UGT1A8: variants seen among roughly 807,000 people sequenced by gnomAD.
The protein encoded by UGT1A8 is UDP-glucuronosyltransferase 1A8.
Under a neutral mutation model 45.3 loss-of-function variants are expected in UGT1A8, and 39 were observed. The ratio of observed to expected loss-of-function variants is 0.86; its 90% CI spans 0.67 to 1.12. The LOEUF is 1.12. UGT1A8 is among the 50% of genes most tolerant of loss of function. The pLI is 0.00. For missense variants in UGT1A8, 719 were observed against 664.9 expected (o/e 1.08, Z -0.90); for synonymous variants, 275 against 249.2 (o/e 1.10, Z -0.97).
intron 1 of UGT1A8, among the ~76,000 whole-genome samples, chr2:233,644,113 C>T (rs558967707): frequency 6.6e-6 from 1 of 152,298 alleles, no homozygotes; most frequent in East Asian, 1.9e-4. Context: ...GGGCCTAGTA[C>T]AGCCCTAGAA....
chr2:233,729,476 T>G lies in UGT1A8; in HGVS notation c.856-37558T>G, dbSNP rs780193627. On this transcript the variant is annotated intron_variant, in intron 1 of 4. Coordinates refer to ENST00000373450, the MANE Select transcript of UGT1A8 (RefSeq NM_019076.5). Reference sequence around the variant, plus strand: ...AAATTTTTCAGAAGTATGGCAATGTTGAACAATATGTCTTTGGTCTATCAT... The same window carrying G: ...AAATTTTTCAGAAGTATGGCAATGTGGAACAATATGTCTTTGGTCTATCAT... 12 of 1,614,098 alleles carry G rather than the reference T, an allele frequency of 7.4e-6. No individual in the cohort carries two copies. In the African/African-American group the frequency reaches 1.6e-4, roughly 22 times the overall value.
intron 1 of UGT1A8, among the ~76,000 whole-genome samples, chr2:233,712,276 G>A (rs888653994): frequency 1.3e-5 from 2 of 152,222 alleles, no homozygotes; most frequent in Admixed American, 1.3e-4. Flanking sequence ...TTAGACAGCA[G>A]CACCTCTTCT....
chr2:233,739,782 C>T (rs1351387026), intron 1 of UGT1A8, among the ~76,000 whole-genome samples: 1 of 152,030 alleles, frequency 6.6e-6, no homozygotes, highest in Non-Finnish European at 1.5e-5. Context: ...TGAGTTAAGA[C>T]TTTGGAGGAC....
chr2:233,648,075 A>G, intron 1 of UGT1A8: 4 of 1,545,632 alleles, frequency 2.6e-6, no homozygotes, highest in South Asian at 1.3e-5. Flanking sequence ...CTTCAACCTT[A>G]TACACCCTGG....
At chr2:233,639,258 A>T (rs2073384657) in intron 1 of UGT1A8, among the ~76,000 whole-genome samples, 1 of 152,218 alleles carries the variant, frequency 6.6e-6, no homozygotes, top group Non-Finnish European at 1.5e-5. Flanking sequence ...ATACACATGT[A>T]TGAAAGTTTT....
Position 233,691,503 on chromosome 2 carries a change from C to T in UGT1A8, c.855+72941C>T, listed in dbSNP as rs1435910007. Reference sequence around the variant, plus strand: ...ACTTGTGGGTGGGAACAGGAACTCGCGTGCCAGCCAGGTGTGCATGACTAG... The same window carrying T: ...ACTTGTGGGTGGGAACAGGAACTCGTGTGCCAGCCAGGTGTGCATGACTAG... On this transcript the variant is annotated intron_variant, in intron 1 of 4. Transcript: ENST00000373450. 2.1e-5 allele frequency: 21 copies of T among 985,612 alleles called. No individual in the cohort carries two copies. The South Asian group carries it at 3.8e-4, about 18-fold the overall frequency. The allele number at this position is 985,612 out of a possible 1,614,324, so 61.1% of individuals were successfully genotyped here. A position where few individuals can be genotyped will look rare whatever the true frequency, so the allele number is the denominator to read the frequency against.
chr2:233,675,067 G>T (rs2074308217), intron 1 of UGT1A8, among the ~76,000 whole-genome samples: 2 of 152,190 alleles, frequency 1.3e-5, no homozygotes, highest in Admixed American at 6.5e-5. Flanking sequence ...AGGTGTGTTT[G>T]TGTGCAGTGT....
At chr2:233,708,864 A>C (rs751594511) in intron 1 of UGT1A8, among the ~76,000 whole-genome samples, 39 of 148,722 alleles carry the variant, frequency 2.6e-4, no homozygotes, top group Non-Finnish European at 4.3e-4. Flanking sequence ...AATCTCTTTT[A>C]TTGGTTCACA....
At chr2:233,732,000 CATT>C (rs1375230959) in intron 1 of UGT1A8, among the ~76,000 whole-genome samples, 1 of 152,212 alleles carries the variant, frequency 6.6e-6, no homozygotes, top group Non-Finnish European at 1.5e-5. Flanking sequence ...GATGGTATCT[CATT>C]GTGGTTTTGA....
chr2:233,743,632 GT>G, intron 1 of UGT1A8: 1 of 1,367,332 alleles, frequency 7.3e-7, no homozygotes, highest in Non-Finnish European at 9.8e-7. Flanking sequence ...CGTCGGCTGG[GT>G]CGCGGAAGCT....
At chr2:233,710,732 C>G (rs1375598699) in intron 1 of UGT1A8, among the ~76,000 whole-genome samples, 1 of 152,164 alleles carries the variant, frequency 6.6e-6, no homozygotes, top group Non-Finnish European at 1.5e-5. Context: ...AAAACAACGT[C>G]TTTCAAGGAG....
intron 1 of UGT1A8, among the ~76,000 whole-genome samples, chr2:233,649,614 C>T (rs2073690289): frequency 6.6e-6 from 1 of 152,204 alleles, no homozygotes; most frequent in Admixed American, 6.5e-5. Flanking sequence ...GACATCTTCA[C>T]AGATTTGACA....
At chr2:233,726,933 A>AT (rs1312634062) in intron 1 of UGT1A8, among the ~76,000 whole-genome samples, 1 of 151,726 alleles carries the variant, frequency 6.6e-6, no homozygotes, top group Non-Finnish European at 1.5e-5. Flanking sequence ...TCCTTTTTTC[A>AT]TTTTTAAAAA....
At chr2:233,698,234 T>A (rs2125574920) in intron 1 of UGT1A8, among the ~76,000 whole-genome samples, 1 of 152,312 alleles carries the variant, frequency 6.6e-6, no homozygotes, top group South Asian at 2.1e-4. Context: ...ATTAAAGTGA[T>A]CAAAATAGAA....
At chr2:233,650,925 T>C (rs2073722683) in intron 1 of UGT1A8, among the ~76,000 whole-genome samples, 2 of 152,238 alleles carry the variant, frequency 1.3e-5, no homozygotes, top group South Asian at 4.1e-4. Context: ...CATGCAATTT[T>C]GGCTATGTTC....
At chr2:233,703,467 T>G (rs1299395084) in intron 1 of UGT1A8, among the ~76,000 whole-genome samples, 1 of 152,154 alleles carries the variant, frequency 6.6e-6, no homozygotes, top group African/African-American at 2.4e-5. Flanking sequence ...CTATTCTTTA[T>G]TATTTTCTGC....
rs536544989 is a variant in UGT1A8 at position 233,747,339 on chromosome 2, C to T, written c.856-19695C>T. 4.1e-5 allele frequency: 65 copies of T among 1,603,348 alleles called. 1 individual carries two copies. The highest frequency in any genetic ancestry group is 5.4e-5 in the African/African-American group (4 of 74,450). ...TACCCATTGATGGCAGCCACTGGCT[C>T]GCATGCGGGAGGCCGTGCGGGAGCT... On this transcript the variant is annotated intron_variant, in intron 1 of 4. Transcript: ENST00000373450.
At chr2:233,645,591 G>T (rs1196694917) in intron 1 of UGT1A8, among the ~76,000 whole-genome samples, 1 of 152,204 alleles carries the variant, frequency 6.6e-6, no homozygotes, top group African/African-American at 2.4e-5. Context: ...CAATAAGGGG[G>T]CTACAGGCCC....
intron 1 of UGT1A8, chr2:233,721,896 G>A (rs1237120239): frequency 1.5e-5 from 7 of 474,202 alleles, no homozygotes; most frequent in South Asian, 3.1e-5. Context: ...TTGCAATATC[G>A]AAATGGTGCA....
Sources: gnomAD v4.1 joint callset for allele counts (sites outside exome capture counted in the v4.1 genomes callset) on GRCh38, gnomAD v4.1.1 for gene constraint, MANE v1.5 for transcripts, NCBI Gene and HGNC (gene_info 2026-07-23, HGNC 2026-07-21) for gene names.